Variants in WDR70 observed in about 807,000 individuals in gnomAD.
WDR70 encodes WD repeat-containing protein 70.
In WDR70, 53 loss-of-function variants were observed where a neutral mutation model predicts 88.6. The ratio of observed to expected loss-of-function variants is 0.60; its 90% CI spans 0.48 to 0.75. WDR70 has a LOEUF of 0.75. Ranked by LOEUF, WDR70 falls within the 30% of genes least tolerant of loss-of-function variation. The pLI is 0.00. For synonymous variants in WDR70, 280 were observed against 270.0 expected, an observed-to-expected ratio of 1.04 and a Z score of -0.36; for missense variants, 610 against 823.2, an observed-to-expected ratio of 0.74 and a Z score of 3.17.
chr5:37,517,746 C>T (rs1469570540), intron 9 of WDR70, among the ~76,000 whole-genome samples: 1 of 147,466 alleles, frequency 6.8e-6, no homozygotes, highest in Admixed American at 6.9e-5. Flanking sequence ...TTTTGATAGC[C>T]ATGCAATGCA....
intron 10 of WDR70, among the ~76,000 whole-genome samples, chr5:37,677,342 G>T (rs1177485716): frequency 2.0e-5 from 3 of 151,986 alleles, no homozygotes; most frequent in Admixed American, 6.6e-5. Context: ...GTCAATTTTG[G>T]ATCTTTCCTG....
At chr5:37,565,759 G>C (rs1309269949) in intron 9 of WDR70, among the ~76,000 whole-genome samples, 1 of 152,008 alleles carries the variant, frequency 6.6e-6, no homozygotes, top group Non-Finnish European at 1.5e-5. Flanking sequence ...GTTTTGAAAA[G>C]TTGTTAGAAG....
chr5:37,738,453 C>G (rs1748371389), intron 17 of WDR70, among the ~76,000 whole-genome samples: 1 of 152,190 alleles, frequency 6.6e-6, no homozygotes, highest in South Asian at 2.1e-4. Flanking sequence ...TCCACTGCAG[C>G]TGAAAACATT....
intron 7 of WDR70, among the ~76,000 whole-genome samples, chr5:37,445,846 A>G (rs1277059296): frequency 6.6e-6 from 1 of 152,232 alleles, no homozygotes; most frequent in Non-Finnish European, 1.5e-5. Context: ...CTGAATGGGC[A>G]ATAACTGGAA....
rs148494503 is a variant in WDR70, at chr5:37,471,904, A to G, written c.687-7930A>G. 2.2e-3 allele frequency among the ~76,000 whole-genome samples: 338 copies of G among 152,046 alleles called. 2 individuals carry two copies. The highest frequency in any genetic ancestry group is 3.5e-3 in the Admixed American group (53 of 15,284). On this transcript the variant is annotated intron_variant, in intron 7 of 17. Transcript: ENST00000265107. ...AATCAGGTGGTCTTTTTCTTGTCAT[A>G]TTGCATGGTCAAGGACCTCTATCGT... is the stretch of plus-strand genomic sequence containing the variant.
At chr5:37,656,583 G>A (rs1745562652) in intron 10 of WDR70, among the ~76,000 whole-genome samples, 1 of 152,202 alleles carries the variant, frequency 6.6e-6, no homozygotes, top group Non-Finnish European at 1.5e-5. Context: ...CCAGGGAGAT[G>A]GCACGTTTAT....
chr5:37,741,637 G>A (rs1386668722), intron 17 of WDR70, among the ~76,000 whole-genome samples: 3 of 152,146 alleles, frequency 2.0e-5, no homozygotes, highest in Non-Finnish European at 2.9e-5. Context: ...TCTTACAGGA[G>A]GTGGAGCTCA....
intron 17 of WDR70, among the ~76,000 whole-genome samples, chr5:37,731,570 T>G (rs986467838): frequency 7.9e-5 from 12 of 152,176 alleles, no homozygotes; most frequent in Admixed American, 5.9e-4. Context: ...CTGTTTTTAA[T>G]GGAGTATTTT....
At position 37,687,920 on chromosome 5, in the gene WDR70, T is replaced by G. The variant is rs1264547785; in HGVS notation, c.1093-9735T>G. 6 of 691,934 alleles carry G rather than the reference T, an allele frequency of 8.7e-6. No homozygotes were observed. The East Asian group carries it at 1.6e-4, about 19-fold the overall frequency. The allele number at this position is 691,934 out of a possible 1,614,324, so 42.9% of individuals were successfully genotyped here. ...TCTTTTCTTCTCCAGAGCAACAAGT[T>G]AAGACTGTCATATGGAACTGTCTGC... is the stretch of plus-strand genomic sequence containing the variant. On this transcript the variant is annotated intron_variant, in intron 10 of 17. Transcript: ENST00000265107.
chr5:37,655,262 T>C (rs2112567010), intron 10 of WDR70, among the ~76,000 whole-genome samples: 1 of 152,256 alleles, frequency 6.6e-6, no homozygotes, highest in East Asian at 1.9e-4. Flanking sequence ...ATGTTGAATA[T>C]TGGCCCCTAC....
intron 5 of WDR70, among the ~76,000 whole-genome samples, chr5:37,412,755 A>G (rs1749564802): frequency 6.6e-6 from 1 of 152,120 alleles, no homozygotes; most frequent in African/African-American, 2.4e-5. Context: ...GGCCTTGATC[A>G]TTGCCAGCCA....
At chr5:37,605,267 C>T in intron 10 of WDR70, 29 bp downstream of exon 10, 1 of 1,575,702 alleles carries the variant, frequency 6.3e-7, no homozygotes, top group South Asian at 1.2e-5. Flanking sequence ...TAGAACATGG[C>T]CACCTTAAAT....
chr5:37,546,212 C>T lies in WDR70; in HGVS notation c.917+29622C>T, dbSNP rs557627033. Among the ~76,000 whole-genome samples the T allele has an allele frequency of 1.0e-4, 15 of 149,940 alleles. No individual in the cohort carries two copies. In the South Asian group the frequency reaches 1.9e-3, roughly 19 times the overall value. ...CTTACTTAGACATATTTTTATCATA[C>T]GTTTAATATATAAAACTTGACCTCA... On this transcript the variant is annotated intron_variant, in intron 9 of 17. Coordinates refer to ENST00000265107, the MANE Select transcript of WDR70 (RefSeq NM_018034.4).
chr5:37,609,924 T>A (rs1323395080), intron 10 of WDR70, among the ~76,000 whole-genome samples: 1 of 152,248 alleles, frequency 6.6e-6, no homozygotes, highest in Non-Finnish European at 1.5e-5. Context: ...TGTCTCCAGT[T>A]GCTGTCAGAT....
chr5:37,523,325 T>C (rs1481275118), intron 9 of WDR70, among the ~76,000 whole-genome samples: 2 of 152,188 alleles, frequency 1.3e-5, no homozygotes, highest in East Asian at 3.9e-4. Flanking sequence ...TGTTCAGCAA[T>C]ATTCGCTGTT....
At chr5:37,477,788 T>C (rs1390987775) in intron 7 of WDR70, among the ~76,000 whole-genome samples, 2 of 152,184 alleles carry the variant, frequency 1.3e-5, no homozygotes, top group Non-Finnish European at 2.9e-5. Flanking sequence ...CCTGTTCTTT[T>C]ATAGGGTTTC....
intron 9 of WDR70, among the ~76,000 whole-genome samples, chr5:37,566,543 T>C (rs921466772): frequency 6.6e-6 from 1 of 152,168 alleles, no homozygotes; most frequent in African/African-American, 2.4e-5. Context: ...GTAATTATAA[T>C]AGAAATAATG....
chr5:37,672,051 T>C (rs1362613297), intron 10 of WDR70, among the ~76,000 whole-genome samples: 1 of 152,242 alleles, frequency 6.6e-6, no homozygotes, highest in African/African-American at 2.4e-5. Flanking sequence ...AAACATGTGC[T>C]GTATGGAATC....
At chr5:37,713,314 C>G (rs912605738) in intron 13 of WDR70, among the ~76,000 whole-genome samples, 5 of 152,172 alleles carry the variant, frequency 3.3e-5, no homozygotes, top group Non-Finnish European at 5.9e-5. Flanking sequence ...AACCCCATTA[C>G]AAGCTATATT....
Sources: gnomAD v4.1 joint callset for allele counts (sites outside exome capture counted in the v4.1 genomes callset) on GRCh38, gnomAD v4.1.1 for gene constraint, MANE v1.5 for transcripts, NCBI Gene and HGNC (gene_info 2026-07-23, HGNC 2026-07-21) for gene names.